LRMDA: variants seen among roughly 807,000 people sequenced by gnomAD.
LRMDA encodes the protein leucine rich melanocyte differentiation associated.
A neutral mutation model predicts 29.8 loss-of-function variants in LRMDA; 18 were observed. The observed-to-expected ratio is 0.60, with a 90% CI of 0.42 to 0.90. The LOEUF is 0.90. Among genes scored for constraint, LRMDA ranks in the 40% least tolerant of loss-of-function variants. The pLI is 0.00. For missense variants in LRMDA, 273 were observed against 273.9 expected (o/e 1.00, Z 0.02); for synonymous variants, 125 against 109.4 (o/e 1.14, Z -0.89).
chr10:76,245,871 T>C (rs1852366587), intron 5 of LRMDA, among the ~76,000 whole-genome samples: 1 of 152,180 alleles, frequency 6.6e-6, no homozygotes, highest in African/African-American at 2.4e-5. Flanking sequence ...CTTGAACATA[T>C]TATCTAATTA....
At chr10:76,248,291 T>A (rs1852412395) in intron 5 of LRMDA, among the ~76,000 whole-genome samples, 2 of 152,172 alleles carry the variant, frequency 1.3e-5, no homozygotes, top group African/African-American at 4.8e-5. Context: ...TGATCAAGTC[T>A]GAAATATTGA....
chr10:76,356,363 A>G (rs1841239974), intron 6 of LRMDA, among the ~76,000 whole-genome samples: 1 of 152,218 alleles, frequency 6.6e-6, no homozygotes, highest in Admixed American at 6.5e-5. Flanking sequence ...GAAGAGAACT[A>G]GAAAATCCTG....
At chr10:75,635,810 C>T (rs566361263) in intron 2 of LRMDA, among the ~76,000 whole-genome samples, 3 of 150,550 alleles carry the variant, frequency 2.0e-5, no homozygotes, top group Admixed American at 1.3e-4. Flanking sequence ...TTTTTTAAAA[C>T]GATTGGTCTG....
intron 2 of LRMDA, among the ~76,000 whole-genome samples, chr10:75,703,169 CA>C (rs1842328509): frequency 6.6e-6 from 1 of 151,728 alleles, no homozygotes; most frequent in Non-Finnish European, 1.5e-5. Context: ...TTTGTCAAAG[CA>C]AAATATACTG....
chr10:76,003,640 G>A (rs944292942), intron 2 of LRMDA, among the ~76,000 whole-genome samples: 1 of 152,222 alleles, frequency 6.6e-6, no homozygotes, highest in Non-Finnish European at 1.5e-5. Flanking sequence ...GGGTGGTCAG[G>A]AGAGGCAGCA....
intron 5 of LRMDA, among the ~76,000 whole-genome samples, chr10:76,146,281 G>T (rs1334066658): frequency 1.3e-5 from 2 of 151,902 alleles, no homozygotes; most frequent in African/African-American, 2.4e-5. Context: ...GTCTAATGTT[G>T]ACAGTGGGGT....
At chr10:75,913,554 G>GC (rs1845879193) in intron 2 of LRMDA, among the ~76,000 whole-genome samples, 1 of 152,124 alleles carries the variant, frequency 6.6e-6, no homozygotes. Flanking sequence ...TAGGTCATGC[G>GC]CCCCGTGTGC....
intron 6 of LRMDA, among the ~76,000 whole-genome samples, chr10:76,385,188 T>C (rs1006988626): frequency 2.0e-5 from 3 of 152,236 alleles, no homozygotes; most frequent in Admixed American, 6.5e-5. Context: ...AAATACGGAA[T>C]TGGCTTTCAG....
intron 6 of LRMDA, among the ~76,000 whole-genome samples, chr10:76,538,216 T>C (rs16933641): frequency 0.074 from 11,188 of 152,004 alleles, 565 homozygotes; most frequent in African/African-American, 0.14. Context: ...AAGAGACATA[T>C]TCAGAGAAGT....
At chr10:76,282,683 C>T (rs574470578) in intron 5 of LRMDA, among the ~76,000 whole-genome samples, 3 of 152,168 alleles carry the variant, frequency 2.0e-5, no homozygotes, top group Non-Finnish European at 4.4e-5. Context: ...CAGTTTAAGA[C>T]AGCTACTTTT....
chr10:76,222,125 G>T (rs1851853855), intron 5 of LRMDA, among the ~76,000 whole-genome samples: 1 of 151,694 alleles, frequency 6.6e-6, no homozygotes, highest in South Asian at 2.1e-4. Context: ...AATTCAAGAT[G>T]GATTAAAGAC....
chr10:76,159,487 A>G (rs556782211), intron 5 of LRMDA, among the ~76,000 whole-genome samples: 7 of 152,308 alleles, frequency 4.6e-5, no homozygotes, highest in African/African-American at 1.7e-4. Flanking sequence ...TTTCTTAGAA[A>G]ACTGAACATA....
At chr10:76,362,189 T>G (rs1841320889) in intron 6 of LRMDA, among the ~76,000 whole-genome samples, 1 of 152,196 alleles carries the variant, frequency 6.6e-6, no homozygotes, top group African/African-American at 2.4e-5. Flanking sequence ...ACAAAGGTTA[T>G]CCACGGGCTA....
chr10:75,795,261 G>A (rs549493585), intron 2 of LRMDA, among the ~76,000 whole-genome samples: 2 of 152,246 alleles, frequency 1.3e-5, no homozygotes, highest in East Asian at 3.9e-4. Flanking sequence ...GGGTATGGTG[G>A]TGCATGCCTG....
intron 2 of LRMDA, among the ~76,000 whole-genome samples, chr10:75,638,214 A>G (rs538793157): frequency 9.2e-5 from 14 of 152,302 alleles, no homozygotes; most frequent in African/African-American, 3.1e-4. Flanking sequence ...TCAGGTTCCT[A>G]GGAACACGGT....
chr10:76,543,406 T>C (rs1044352527), intron 6 of LRMDA, among the ~76,000 whole-genome samples: 2 of 151,828 alleles, frequency 1.3e-5, no homozygotes, highest in Non-Finnish European at 2.9e-5. Context: ...GTTTCTTATA[T>C]TGTCAATTAC....
intron 5 of LRMDA, among the ~76,000 whole-genome samples, chr10:76,192,800 C>T (rs191975736): frequency 4.9e-4 from 75 of 152,214 alleles, no homozygotes; most frequent in Non-Finnish European, 9.4e-4. Flanking sequence ...TAAGAATGGG[C>T]GTGCTCTCTC....
chr10:75,966,754 A>G (rs1224437797), intron 2 of LRMDA, among the ~76,000 whole-genome samples: 1 of 152,194 alleles, frequency 6.6e-6, no homozygotes, highest in Non-Finnish European at 1.5e-5. Context: ...AGTTCAAATC[A>G]TGGCTCTGCT....
intron 5 of LRMDA, among the ~76,000 whole-genome samples, chr10:76,264,891 ACTGT>A (rs1430775381): frequency 6.6e-6 from 1 of 152,170 alleles, no homozygotes; most frequent in Non-Finnish European, 1.5e-5. Context: ...TTAGCCTGAA[ACTGT>A]CTGTGATAGT....
Sources: allele counts gnomAD v4.1 joint callset (sites outside exome capture counted in the v4.1 genomes callset), GRCh38; gene constraint gnomAD v4.1.1; transcripts MANE v1.5; gene names NCBI Gene and HGNC (gene_info 2026-07-23, HGNC 2026-07-21).